Variants in TIA1 observed in about 807,000 individuals in gnomAD.
The protein encoded by TIA1 is TIA1 cytotoxic granule associated RNA binding protein, also known as cytotoxic granule associated RNA binding protein TIA1.
A neutral mutation model predicts 65.9 loss-of-function variants in TIA1; 23 were observed. The observed-to-expected ratio is 0.35, with a 90% confidence interval of 0.25 to 0.49. The LOEUF is 0.49. Ranked by LOEUF, TIA1 falls within the 20% of genes least tolerant of loss-of-function variation. The probability of loss-of-function intolerance (pLI) is 0.98; values close to 1 mark genes in which losing one functional copy is unlikely to be tolerated. For synonymous variants in TIA1, 147 were observed against 149.4 expected (o/e 0.98, Z 0.12); for missense variants, 371 against 477.9 (o/e 0.78, Z 2.09).
chr2:70,226,270 T>C (rs1053013533), intron 6 of TIA1, among the ~76,000 whole-genome samples: 1 of 152,060 alleles, frequency 6.6e-6, no homozygotes, highest in Non-Finnish European at 1.5e-5. Flanking sequence ...AATCATGAAA[T>C]TGCTAAAATC....
At chr2:70,213,435 C>T (rs1163862475) in intron 12 of TIA1, among the ~76,000 whole-genome samples, 1 of 151,158 alleles carries the variant, frequency 6.6e-6, no homozygotes, top group Non-Finnish European at 1.5e-5. Context: ...CCTACGTCTC[C>T]CCAGGCTCAA....
At chr2:70,228,605 A>ATTG in intron 5 of TIA1, 2 of 1,115,886 alleles carry the variant, frequency 1.8e-6, no homozygotes, top group Non-Finnish European at 2.2e-6. Flanking sequence ...AAAATGCAAA[A>ATTG]TTGTTGGACC....
At chr2:70,228,871 T>C (rs955820385) in intron 5 of TIA1, 188 bp downstream of exon 5, 11 of 1,442,272 alleles carry the variant, frequency 7.6e-6, no homozygotes, top group African/African-American at 2.9e-5. Context: ...AAGCTTGAAC[T>C]AGCACCAAAG....
intron 12 of TIA1, among the ~76,000 whole-genome samples, chr2:70,213,068 G>T (rs915195272): frequency 6.6e-6 from 1 of 152,058 alleles, no homozygotes; most frequent in East Asian, 1.9e-4. Flanking sequence ...GTTTAATTTT[G>T]TTAGAAATTA....
At chr2:70,235,577 T>TGTATGC (rs1688546418) in intron 2 of TIA1, among the ~76,000 whole-genome samples, 1 of 152,032 alleles carries the variant, frequency 6.6e-6, no homozygotes. Flanking sequence ...TGTGTATGTG[T>TGTATGC]GTGTGTTTAA....
chr2:70,236,818 G>A (rs775384374), intron 1 of TIA1, among the ~76,000 whole-genome samples: 2 of 151,980 alleles, frequency 1.3e-5, no homozygotes, highest in African/African-American at 2.4e-5. Context: ...CTGTAGAGAA[G>A]GCGTTTCACC....
chr2:70,232,280 C>T (rs1686763947), intron 2 of TIA1, among the ~76,000 whole-genome samples: 1 of 150,278 alleles, frequency 6.7e-6, no homozygotes, highest in African/African-American at 2.4e-5. Context: ...ATGGCTCACA[C>T]CTGTAATCCC....
At chr2:70,237,684 T>C (rs911994824) in intron 1 of TIA1, among the ~76,000 whole-genome samples, 5 of 150,096 alleles carry the variant, frequency 3.3e-5, no homozygotes, top group Non-Finnish European at 7.4e-5. Flanking sequence ...GCCAACACAG[T>C]GAAACCCCTT....
intron 6 of TIA1, chr2:70,225,048 G>C: frequency 1.0e-6 from 1 of 974,584 alleles, no homozygotes; most frequent in Non-Finnish European, 1.2e-6. Context: ...TAGAAAACTG[G>C]AAACCAAAAG....
chr2:70,231,961 G>C (rs765540639), intron 2 of TIA1, among the ~76,000 whole-genome samples: 1 of 151,892 alleles, frequency 6.6e-6, no homozygotes, highest in Admixed American at 6.6e-5. Context: ...CCAGCACTTC[G>C]AGAGGCCGAG....
chr2:70,233,126 T>C (rs1687247691), intron 2 of TIA1, among the ~76,000 whole-genome samples: 1 of 151,968 alleles, frequency 6.6e-6, no homozygotes, highest in African/African-American at 2.4e-5. Context: ...ACAATTTTAT[T>C]TCAAGTACAG....
At chr2:70,238,260 G>GT (rs763865705) in intron 1 of TIA1, among the ~76,000 whole-genome samples, 3,521 of 94,566 alleles carry the variant, frequency 0.037, 691 homozygotes, top group African/African-American at 0.044. Context: ...GTTCCCCCAA[G>GT]TTTTTTTTTT....
At chr2:70,216,808 G>T (rs776382911) in intron 8 of TIA1, 78 bp downstream of exon 8, 10 of 1,610,006 alleles carry the variant, frequency 6.2e-6, no homozygotes. Flanking sequence ...TAAGTCTCCG[G>T]GAACAGCTCT....
At chr2:70,230,687 A>C in intron 3 of TIA1, 69 bp downstream of exon 3, 2 of 1,257,922 alleles carry the variant, frequency 1.6e-6, no homozygotes, top group South Asian at 2.8e-5. Flanking sequence ...GTTTCTAAAA[A>C]GGAAACAAAA....
intron 2 of TIA1, 87 bp downstream of exon 2, chr2:70,235,992 G>A (rs1488648045): frequency 6.7e-6 from 5 of 744,232 alleles, no homozygotes; most frequent in African/African-American, 5.5e-5. Flanking sequence ...TTTAGACCAT[G>A]GTAAACTAAG....
At chr2:70,228,784 C>T in intron 5 of TIA1, 1 of 1,343,022 alleles carries the variant, frequency 7.4e-7, no homozygotes, top group East Asian at 3.0e-5. Context: ...AAATGGTGAC[C>T]TCAAGAAAGG....
intron 3 of TIA1, 104 bp downstream of exon 3, chr2:70,230,652 C>CAAAA (rs5832003): frequency 1.8e-3 from 1,231 of 679,866 alleles, no homozygotes; most frequent in East Asian, 8.8e-3. Context: ...AATTTCATCT[C>CAAAA]AAAAAAAAAA....
intron 7 of TIA1, among the ~76,000 whole-genome samples, chr2:70,221,006 AAT>A (rs984943482): frequency 1.3e-5 from 2 of 151,274 alleles, no homozygotes; most frequent in African/African-American, 2.4e-5. Context: ...CCTACAAAAA[AAT>A]ATATATATAT....
chr2:70,232,922 T>C (rs1687153128), intron 2 of TIA1, among the ~76,000 whole-genome samples: 1 of 151,950 alleles, frequency 6.6e-6, no homozygotes, highest in African/African-American at 2.4e-5. Context: ...GGTGAGGCTA[T>C]GTGATAAATA....
Sources: allele counts gnomAD v4.1 joint callset (sites outside exome capture counted in the v4.1 genomes callset), GRCh38; gene constraint gnomAD v4.1.1; transcripts MANE v1.5; gene names NCBI Gene and HGNC (gene_info 2026-07-23, HGNC 2026-07-21).